CALN1: variants seen among roughly 807,000 people sequenced by gnomAD.
CALN1 encodes the protein calcium-binding protein 8.
CALN1 carries 17 observed loss-of-function variants against 30.6 expected under a neutral mutation model. The observed-to-expected ratio is 0.56, with a 90% CI of 0.38 to 0.83. The LOEUF is 0.83. CALN1 is among the 40% of genes least tolerant of loss of function. The pLI is 0.00. For missense variants in CALN1, 291 were observed against 354.9 expected, an observed-to-expected ratio of 0.82 and a Z score of 1.45; for synonymous variants, 156 against 131.4, an observed-to-expected ratio of 1.19 and a Z score of -1.28.
intron 4 of CALN1, among the ~76,000 whole-genome samples, chr7:72,046,915 T>G (rs942952458): frequency 1.3e-5 from 2 of 151,398 alleles, no homozygotes; most frequent in African/African-American, 4.9e-5. Context: ...AATATAAACA[T>G]TAGCTGGGCA....
chr7:72,399,468 A>C (rs1806195297), intron 2 of CALN1, among the ~76,000 whole-genome samples: 1 of 151,752 alleles, frequency 6.6e-6, no homozygotes, highest in Non-Finnish European at 1.5e-5. Context: ...ATAGGGCTTC[A>C]CCATGTTGGC....
intron 5 of CALN1, among the ~76,000 whole-genome samples, chr7:71,886,145 T>C (rs1792888883): frequency 6.6e-6 from 1 of 152,210 alleles, no homozygotes; most frequent in African/African-American, 2.4e-5. Flanking sequence ...CAGTTGTAAG[T>C]TTTCTCTGCT....
chr7:71,806,051 C>A (rs10252212), intron 6 of CALN1, among the ~76,000 whole-genome samples: 3 of 151,930 alleles, frequency 2.0e-5, no homozygotes, highest in African/African-American at 4.8e-5. Context: ...ACACATGTTG[C>A]GGGGTGGGGG....
chr7:71,816,669 G>C (rs1788280866), intron 5 of CALN1, among the ~76,000 whole-genome samples: 1 of 152,146 alleles, frequency 6.6e-6, no homozygotes, highest in African/African-American at 2.4e-5. Flanking sequence ...ATAGTTTTGG[G>C]CCAGGTGTGG....
intron 3 of CALN1, among the ~76,000 whole-genome samples, chr7:72,253,383 G>A (rs1562798529): frequency 6.6e-6 from 1 of 152,112 alleles, no homozygotes; most frequent in South Asian, 2.1e-4. Context: ...TCCCATTTGT[G>A]TTAGTTTGTT....
chr7:72,132,607 G>A (rs1027966697), intron 3 of CALN1, among the ~76,000 whole-genome samples: 1 of 152,064 alleles, frequency 6.6e-6, no homozygotes, highest in African/African-American at 2.4e-5. Flanking sequence ...AGTGTTTCTC[G>A]CCGGCAGCTG....
chr7:72,422,331 GA>G (rs1807639941), intron 1 of CALN1, among the ~76,000 whole-genome samples: 2 of 152,174 alleles, frequency 1.3e-5, no homozygotes, highest in South Asian at 4.1e-4. Flanking sequence ...ATTCTCGCAG[GA>G]GTAAGAAAAC....
intron 2 of CALN1, among the ~76,000 whole-genome samples, chr7:72,386,808 A>G (rs372783228): frequency 6.6e-6 from 1 of 152,118 alleles, no homozygotes. Flanking sequence ...GCTAATTTAA[A>G]AAAATAAATT....
chr7:72,155,539 G>C (rs953977215), intron 3 of CALN1, among the ~76,000 whole-genome samples: 1 of 151,836 alleles, frequency 6.6e-6, no homozygotes, highest in African/African-American at 2.4e-5. Flanking sequence ...AATGTGTGTT[G>C]TTTAAGCCAC....
intron 5 of CALN1, among the ~76,000 whole-genome samples, chr7:71,826,730 C>T (rs1383610825): frequency 2.6e-5 from 4 of 152,152 alleles, no homozygotes; most frequent in South Asian, 2.1e-4. Flanking sequence ...CTACAGGTCT[C>T]GCCCAATGTG....
At chr7:71,903,756 C>T (rs1202810070) in intron 5 of CALN1, among the ~76,000 whole-genome samples, 1 of 152,016 alleles carries the variant, frequency 6.6e-6, no homozygotes, top group East Asian at 1.9e-4. Flanking sequence ...AACAGAGTGA[C>T]AAGACAACCT....
At chr7:72,033,579 G>A (rs1482475679) in intron 4 of CALN1, among the ~76,000 whole-genome samples, 3 of 152,176 alleles carry the variant, frequency 2.0e-5, no homozygotes, top group Non-Finnish European at 4.4e-5. Flanking sequence ...TTTAAAAGAG[G>A]GAAGGATTCT....
chr7:72,207,995 T>A (rs1268584608), intron 3 of CALN1, among the ~76,000 whole-genome samples: 1 of 152,228 alleles, frequency 6.6e-6, no homozygotes, highest in Non-Finnish European at 1.5e-5. Context: ...AGTATTTTCT[T>A]ATCAATGTAT....
chr7:72,384,523 A>G (rs895331106), intron 2 of CALN1, among the ~76,000 whole-genome samples: 2 of 152,100 alleles, frequency 1.3e-5, no homozygotes, highest in African/African-American at 4.8e-5. Flanking sequence ...AATCCCAGCT[A>G]CTCAAGAGGT....
chr7:72,114,180 A>G (rs1486926498), intron 3 of CALN1, among the ~76,000 whole-genome samples: 1 of 150,038 alleles, frequency 6.7e-6, no homozygotes, highest in Admixed American at 6.7e-5. Flanking sequence ...CAGGAGTTTG[A>G]GTCCAGCTTG....
intron 4 of CALN1, among the ~76,000 whole-genome samples, chr7:72,087,505 T>C (rs1805557037): frequency 6.6e-6 from 1 of 152,106 alleles, no homozygotes; most frequent in South Asian, 2.1e-4. Flanking sequence ...CAAAGAGTGT[T>C]AGAAAAGTAT....
At chr7:71,837,651 A>G (rs1423090272) in intron 5 of CALN1, among the ~76,000 whole-genome samples, 1 of 152,214 alleles carries the variant, frequency 6.6e-6, no homozygotes, top group Non-Finnish European at 1.5e-5. Flanking sequence ...CTGAAAGTGC[A>G]CATAGGCCCT....
chr7:71,932,771 G>A lies in CALN1; in HGVS notation c.501+90886C>T, dbSNP rs1383264721. On this transcript the variant is annotated intron_variant, in intron 5 of 6. Coordinates refer to ENST00000395275, the MANE Select transcript of CALN1 (RefSeq NM_031468.4). The stretch of plus-strand genomic sequence containing the variant: ...GCGGAGCTTACAGTGAGCCGAGATC[G>A]CATCACTGCACTCCAGCCTGGGTGA... 2.1e-5 allele frequency among the ~76,000 whole-genome samples: 3 copies of A among 145,052 alleles called. No individual in the cohort carries two copies. The Admixed American group carries it at 2.2e-4, about 11-fold the overall frequency.
intron 4 of CALN1, among the ~76,000 whole-genome samples, chr7:72,076,784 G>C (rs554099183): frequency 6.6e-6 from 1 of 151,980 alleles, no homozygotes; most frequent in South Asian, 2.1e-4. Flanking sequence ...CCAATTCCAG[G>C]TTGGGTGAAG....
Sources: allele counts gnomAD v4.1 joint callset (sites outside exome capture counted in the v4.1 genomes callset), GRCh38; gene constraint gnomAD v4.1.1; transcripts MANE v1.5; gene names NCBI Gene and HGNC (gene_info 2026-07-23, HGNC 2026-07-21).